Variants in FGF12 observed in about 807,000 individuals in gnomAD.
FGF12 encodes the protein fibroblast growth factor 12B.
In FGF12, 14 loss-of-function variants were observed where a neutral mutation model predicts 23.6. That is an observed-to-expected ratio of 0.59 (90% confidence interval 0.39 to 0.93). The LOEUF (loss-of-function observed/expected upper bound fraction) is 0.93, where lower values mean the gene tolerates loss of function less well. Among genes scored for constraint, FGF12 ranks in the 40% least tolerant of loss-of-function variants. FGF12 has a pLI of 0.00. For synonymous variants in FGF12, 62 were observed against 77.3 expected (o/e 0.80, Z 1.04); for missense variants, 175 against 217.8 (o/e 0.80, Z 1.24).
intron 2 of FGF12, among the ~76,000 whole-genome samples, chr3:192,702,816 T>TA (rs915628658): frequency 6.6e-6 from 1 of 151,844 alleles, no homozygotes; most frequent in Non-Finnish European, 1.5e-5. Context: ...AATTTAAATT[T>TA]AAAAAAAACT....
At chr3:192,412,731 A>G (rs6775735) in intron 2 of FGF12, among the ~76,000 whole-genome samples, 209 of 152,338 alleles carry the variant, frequency 1.4e-3, no homozygotes, top group African/African-American at 4.8e-3. Flanking sequence ...TTTTATATAT[A>G]GAAATTCGTA....
At chr3:192,392,414 A>AAAAT (rs60248403) in intron 2 of FGF12, among the ~76,000 whole-genome samples, 14,092 of 143,608 alleles carry the variant, frequency 0.098, 911 homozygotes, top group Admixed American at 0.19. Context: ...CTAAAAATAA[A>AAAAT]AAATAAATAA....
At chr3:192,707,336 G>A (rs921890683) in intron 2 of FGF12, among the ~76,000 whole-genome samples, 1 of 152,108 alleles carries the variant, frequency 6.6e-6, no homozygotes. Flanking sequence ...TGGCTTCATG[G>A]GAGCTGACCG....
intron 4 of FGF12, among the ~76,000 whole-genome samples, chr3:192,306,171 G>A (rs1244609602): frequency 6.6e-6 from 1 of 152,034 alleles, no homozygotes; most frequent in African/African-American, 2.4e-5. Flanking sequence ...TTTTAAAAAT[G>A]TACACAAAAA....
chr3:192,462,522 T>C (rs988997912), intron 2 of FGF12, among the ~76,000 whole-genome samples: 2 of 152,144 alleles, frequency 1.3e-5, no homozygotes, highest in African/African-American at 2.4e-5. Context: ...ATATGCCCCC[T>C]CAATTTTGGA....
intron 2 of FGF12, among the ~76,000 whole-genome samples, chr3:192,656,004 G>GCA (rs1364106640): frequency 2.1e-5 from 3 of 139,962 alleles, no homozygotes; most frequent in East Asian, 4.1e-4. Context: ...AACGTTACAT[G>GCA]CCAGAAAAGA....
rs138926497 is a variant in FGF12, at chr3:192,141,126, TC to T, written c.*2882del. 60 of 7,212 alleles carry T rather than the reference TC, an allele frequency of 8.3e-3. 1 individual carries two copies. The highest frequency in any genetic ancestry group is 0.023 in the South Asian group (5 of 222). 0.4% of individuals were successfully genotyped at this position (7,212 alleles called of 1,614,324 possible). On this transcript the variant is annotated 3_prime_UTR_variant, in exon 6 of 6. Transcript: ENST00000445105. Reference sequence around the variant, plus strand: ...TTCCTGGGAAAAATCCCAATGCAACTCCAAAAAAAAAAAAAAAAAAAAAAAA... The same window carrying T: ...TTCCTGGGAAAAATCCCAATGCAACTCAAAAAAAAAAAAAAAAAAAAAAAA...
intron 2 of FGF12, among the ~76,000 whole-genome samples, chr3:192,720,659 G>A (rs890171853): frequency 1.3e-5 from 2 of 152,166 alleles, no homozygotes; most frequent in Admixed American, 1.3e-4. Context: ...GTACAGAAAT[G>A]AAATCTCTCT....
intron 2 of FGF12, among the ~76,000 whole-genome samples, chr3:192,392,432 A>C (rs1261189008): frequency 6.6e-6 from 1 of 150,910 alleles, no homozygotes; most frequent in Non-Finnish European, 1.5e-5. Flanking sequence ...TAAATAAATA[A>C]ATAAATAAAT....
chr3:192,245,614 C>G (rs771818223), intron 4 of FGF12, among the ~76,000 whole-genome samples: 14 of 152,122 alleles, frequency 9.2e-5, no homozygotes, highest in Non-Finnish European at 1.6e-4. Context: ...ATGGAAGGTA[C>G]TGGAAACAGA....
At chr3:192,497,932 T>C (rs544087961) in intron 2 of FGF12, among the ~76,000 whole-genome samples, 49 of 152,312 alleles carry the variant, frequency 3.2e-4, no homozygotes, top group African/African-American at 1.1e-3. Flanking sequence ...GGCTCACCAC[T>C]GAATCTCTAG....
At chr3:192,263,603 G>C (rs1320574016) in intron 4 of FGF12, among the ~76,000 whole-genome samples, 2 of 151,220 alleles carry the variant, frequency 1.3e-5, no homozygotes, top group African/African-American at 4.8e-5. Context: ...ATACGCATAT[G>C]AGTCCAGGGA....
intron 2 of FGF12, among the ~76,000 whole-genome samples, chr3:192,492,015 T>C (rs746427927): frequency 6.6e-6 from 1 of 152,080 alleles, no homozygotes; most frequent in Non-Finnish European, 1.5e-5. Flanking sequence ...AGGAGTGTCA[T>C]TCATCATGTA....
chr3:192,602,921 G>A (rs935889000), intron 2 of FGF12, among the ~76,000 whole-genome samples: 2 of 151,886 alleles, frequency 1.3e-5, no homozygotes, highest in African/African-American at 2.4e-5. Flanking sequence ...TCTATAAATA[G>A]AATTAACAAA....
intron 4 of FGF12, among the ~76,000 whole-genome samples, chr3:192,301,417 A>T (rs979111550): frequency 6.6e-6 from 1 of 152,238 alleles, no homozygotes; most frequent in Admixed American, 6.5e-5. Flanking sequence ...AAATGTATTG[A>T]ACACTTATTA....
intron 4 of FGF12, among the ~76,000 whole-genome samples, chr3:192,261,415 G>A (rs922913405): frequency 6.6e-6 from 1 of 152,160 alleles, no homozygotes; most frequent in Admixed American, 6.5e-5. Flanking sequence ...CTATACTTCC[G>A]TTTCCAACCA....
intron 2 of FGF12, among the ~76,000 whole-genome samples, chr3:192,632,611 C>G (rs1001429362): frequency 6.6e-6 from 1 of 152,140 alleles, no homozygotes; most frequent in South Asian, 2.1e-4. Context: ...GTTTTAAATT[C>G]GCAGATATTT....
At chr3:192,268,749 T>A in intron 4 of FGF12, 1 of 435,560 alleles carries the variant, frequency 2.3e-6, no homozygotes, top group Non-Finnish European at 4.6e-6. Flanking sequence ...CCTGCAGAAC[T>A]GTGAGCCGAT....
chr3:192,445,115 C>T (rs1722313950), intron 2 of FGF12, among the ~76,000 whole-genome samples: 1 of 152,224 alleles, frequency 6.6e-6, no homozygotes, highest in Non-Finnish European at 1.5e-5. Flanking sequence ...TCTCTTCTAT[C>T]TTTGAAACTA....
Sources: gnomAD v4.1 joint callset for allele counts (sites outside exome capture counted in the v4.1 genomes callset) on GRCh38, gnomAD v4.1.1 for gene constraint, MANE v1.5 for transcripts, NCBI Gene and HGNC (gene_info 2026-07-23, HGNC 2026-07-21) for gene names.